The following PDZRN3 variants were observed in gnomAD, a reference collection of about 807,000 sequenced individuals.
PDZRN3 encodes the protein E3 ubiquitin-protein ligase PDZRN3.
In PDZRN3, 38 loss-of-function variants were observed where a neutral mutation model predicts 85.7. That is an observed-to-expected ratio of 0.44 (90% CI 0.34 to 0.58). The LOEUF is 0.58. Among genes scored for constraint, PDZRN3 ranks in the 20% least tolerant of loss-of-function variants. PDZRN3 has a pLI of 0.01. For synonymous variants in PDZRN3, 759 were observed against 638.0 expected (o/e 1.19, Z -2.86); for missense variants, 1,629 against 1,506.4 (o/e 1.08, Z -1.35).
At chr3:73,610,007 G>C (rs184684625) in intron 1 of PDZRN3, among the ~76,000 whole-genome samples, 1 of 152,302 alleles carries the variant, frequency 6.6e-6, no homozygotes, top group East Asian at 1.9e-4. Flanking sequence ...TCACCATGTA[G>C]AATTATCTCC....
chr3:73,455,326 A>C (rs1274070385), intron 3 of PDZRN3, among the ~76,000 whole-genome samples: 1 of 152,170 alleles, frequency 6.6e-6, no homozygotes, highest in Non-Finnish European at 1.5e-5. Flanking sequence ...AGGTACCCTA[A>C]CCTTCTCAGG....
intron 3 of PDZRN3, among the ~76,000 whole-genome samples, chr3:73,487,475 A>C (rs1703685196): frequency 6.6e-6 from 1 of 152,114 alleles, no homozygotes; most frequent in Non-Finnish European, 1.5e-5. Flanking sequence ...ATGTTTTCCG[A>C]GGGGTGGACT....
chr3:73,464,237 G>A lies in PDZRN3; in HGVS notation c.919-59842C>T, dbSNP rs138832172. On this transcript the variant is annotated intron_variant, in intron 3 of 9. Coordinates refer to ENST00000263666, the MANE Select transcript of PDZRN3 (RefSeq NM_015009.3). Reference sequence around the variant, plus strand: ...CCTGACCTCATGATCCGCCCACCTCGGCCTCCCAAAGTGCTGGGATTATAG... The same window carrying A: ...CCTGACCTCATGATCCGCCCACCTCAGCCTCCCAAAGTGCTGGGATTATAG... 5.0e-3 allele frequency among the ~76,000 whole-genome samples: 755 copies of A among 152,130 alleles called. 6 individuals carry two copies. Among genetic ancestry groups the A allele is most frequent in the African/African-American group, 0.017 (722 of 41,492 alleles).
intron 8 of PDZRN3, among the ~76,000 whole-genome samples, chr3:73,387,694 GTTTT>G (rs1701426101): frequency 6.6e-6 from 1 of 152,144 alleles, no homozygotes; most frequent in Non-Finnish European, 1.5e-5. Context: ...CCCCGGTTGT[GTTTT>G]CCATTCAATT....
At chr3:73,412,889 G>T (rs565822493) in intron 3 of PDZRN3, among the ~76,000 whole-genome samples, 1 of 152,326 alleles carries the variant, frequency 6.6e-6, no homozygotes, top group South Asian at 2.1e-4. Context: ...GTAACACTGG[G>T]TGAGAGTGGG....
intron 3 of PDZRN3, among the ~76,000 whole-genome samples, chr3:73,448,145 C>T (rs571005660): frequency 6.6e-6 from 1 of 152,316 alleles, no homozygotes; most frequent in East Asian, 1.9e-4. Flanking sequence ...ATGTGAGATT[C>T]AGCACAGGAG....
chr3:73,615,556 G>C (rs1702748725), intron 1 of PDZRN3, among the ~76,000 whole-genome samples: 1 of 152,170 alleles, frequency 6.6e-6, no homozygotes, highest in African/African-American at 2.4e-5. Context: ...AGGGGCCCAA[G>C]AGAGAAACCC....
At chr3:73,454,149 T>C (rs1166643959) in intron 3 of PDZRN3, among the ~76,000 whole-genome samples, 1 of 152,182 alleles carries the variant, frequency 6.6e-6, no homozygotes, top group Admixed American at 6.5e-5. Flanking sequence ...TGGTATCCCC[T>C]GGGCAGGAGA....
chr3:73,418,637 A>G (rs1702139495), intron 3 of PDZRN3, among the ~76,000 whole-genome samples: 1 of 152,100 alleles, frequency 6.6e-6, no homozygotes, highest in Non-Finnish European at 1.5e-5. Flanking sequence ...CAATAATCCT[A>G]TCACATCCTG....
intron 3 of PDZRN3, among the ~76,000 whole-genome samples, chr3:73,439,870 C>G (rs1702599512): frequency 6.6e-6 from 1 of 151,952 alleles, no homozygotes; most frequent in Non-Finnish European, 1.5e-5. Flanking sequence ...TTCTGAATAG[C>G]TGGGACTACA....
At chr3:73,562,705 G>A (rs1701846372) in intron 3 of PDZRN3, among the ~76,000 whole-genome samples, 1 of 151,830 alleles carries the variant, frequency 6.6e-6, no homozygotes, top group African/African-American at 2.4e-5. Context: ...ATCAAAGCCC[G>A]AATAGAGAGC....
intron 4 of PDZRN3, among the ~76,000 whole-genome samples, chr3:73,402,960 T>TTTTTTTTTTTTTTTTTTTTTTTTTG (rs1429244382): frequency 1.0e-5 from 1 of 98,944 alleles, no homozygotes; most frequent in African/African-American, 3.7e-5. Flanking sequence ...TTTTTTTTTT[T>TTTTTTTTTTTTTTTTTTTTTTTTTG]TGAGACGGAG....
intron 3 of PDZRN3, among the ~76,000 whole-genome samples, chr3:73,594,272 G>A (rs1288533797): frequency 6.6e-6 from 1 of 152,108 alleles, no homozygotes; most frequent in East Asian, 1.9e-4. Flanking sequence ...TGGAAAGTAT[G>A]TCTCCATGAA....
chr3:73,480,356 T>C (rs1024570431), intron 3 of PDZRN3, among the ~76,000 whole-genome samples: 6 of 152,198 alleles, frequency 3.9e-5, no homozygotes, highest in African/African-American at 9.6e-5. Context: ...GAAGCCTCTG[T>C]TGAAATTCAA....
intron 3 of PDZRN3, among the ~76,000 whole-genome samples, chr3:73,414,614 A>G (rs1702039590): frequency 6.6e-6 from 1 of 152,214 alleles, no homozygotes; most frequent in Admixed American, 6.5e-5. Flanking sequence ...TTGATATTAA[A>G]CCATGGTTTT....
intron 3 of PDZRN3, among the ~76,000 whole-genome samples, chr3:73,522,614 C>G (rs896454558): frequency 6.6e-6 from 1 of 152,158 alleles, no homozygotes; most frequent in Admixed American, 6.5e-5. Context: ...TTGGAAGCAC[C>G]TGATAAATGG....
At chr3:73,484,363 A>G (rs1305159576) in intron 3 of PDZRN3, among the ~76,000 whole-genome samples, 1 of 152,074 alleles carries the variant, frequency 6.6e-6, no homozygotes, top group African/African-American at 2.4e-5. Flanking sequence ...AAGTCATGAG[A>G]TTACCCAGTG....
chr3:73,622,262 C>G lies in PDZRN3; in HGVS notation c.723+1841G>C, dbSNP rs539697573. 2.9e-3 allele frequency among the ~76,000 whole-genome samples: 437 copies of G among 152,254 alleles called. 2 individuals are homozygous for G. The highest frequency in any genetic ancestry group is 6.0e-3 in the Admixed American group (92 of 15,294). On this transcript the variant is annotated intron_variant, in intron 1 of 9. Transcript: ENST00000263666. Reference sequence around the variant, plus strand: ...GGCCAGCTGCTGAGACTGCAGCTGACAGACAGGCCAGGGGCCAGGAAGGGG... The same window carrying G: ...GGCCAGCTGCTGAGACTGCAGCTGAGAGACAGGCCAGGGGCCAGGAAGGGG...
chr3:73,603,750 G>A (rs887492682), intron 2 of PDZRN3, among the ~76,000 whole-genome samples: 1 of 151,832 alleles, frequency 6.6e-6, no homozygotes, highest in African/African-American at 2.4e-5. Context: ...TATTCTAAAG[G>A]GGGAAGGAAA....
Sources: allele counts gnomAD v4.1 joint callset (sites outside exome capture counted in the v4.1 genomes callset), GRCh38; gene constraint gnomAD v4.1.1; transcripts MANE v1.5; gene names NCBI Gene and HGNC (gene_info 2026-07-23, HGNC 2026-07-21).